VPS37A: variants seen among roughly 807,000 people sequenced by gnomAD.
The protein encoded by VPS37A is vacuolar protein sorting-associated protein 37A.
A neutral mutation model predicts 49.8 loss-of-function variants in VPS37A; 30 were observed. The observed-to-expected ratio is 0.60, with a 90% CI of 0.45 to 0.82. The LOEUF (loss-of-function observed/expected upper bound fraction) is 0.82, where lower values mean the gene tolerates loss of function less well. Among genes scored for constraint, VPS37A ranks in the 40% least tolerant of loss-of-function variants. The pLI is 0.00. For missense variants in VPS37A, 593 were observed against 464.4 expected, an observed-to-expected ratio of 1.28 and a Z score of -2.55; for synonymous variants, 195 against 160.6, an observed-to-expected ratio of 1.21 and a Z score of -1.62.
chr8:17,274,069 C>T (rs1814267829), intron 4 of VPS37A, among the ~76,000 whole-genome samples: 1 of 152,112 alleles, frequency 6.6e-6, no homozygotes, highest in South Asian at 2.1e-4. Context: ...ATATAATGAT[C>T]TGGTTCTCTC....
chr8:17,331,254 C>T, the VPS37A span: 1 of 1,609,768 alleles, frequency 6.2e-7, no homozygotes, highest in South Asian at 1.1e-5. Context: ...ATAGCCTTTC[C>T]CTGCAGCACG....
chr8:17,306,070 T>C, downstream of VPS37A: 1 of 837,002 alleles, frequency 1.2e-6, no homozygotes, highest in South Asian at 2.0e-5. Context: ...AATCTTATCT[T>C]ACAAACTTGG....
chr8:17,261,139 C>T (rs1433238154), intron 1 of VPS37A, among the ~76,000 whole-genome samples: 4 of 152,102 alleles, frequency 2.6e-5, no homozygotes, highest in East Asian at 1.9e-4. Flanking sequence ...TTCTGTATTT[C>T]GTAGGTGGTC....
the VPS37A span, among the ~76,000 whole-genome samples, chr8:17,332,407 C>T: frequency 5.9e-5 from 9 of 152,086 alleles, no homozygotes; most frequent in African/African-American, 2.2e-4. Context: ...GCTGAAAACC[C>T]ATGACTATCT....
Position 17,296,357 on chromosome 8 carries a change from G to A in VPS37A, c.*1371G>A, listed in dbSNP as rs1816632670. The A allele has an allele frequency of 6.6e-6, 1 of 152,168 alleles. No individual in the cohort carries two copies. Among genetic ancestry groups the A allele is most frequent in the African/African-American group, 2.4e-5 (1 of 41,440 alleles). 9.4% of individuals were successfully genotyped at this position (152,168 alleles called of 1,614,324 possible). A position where few individuals can be genotyped will look rare whatever the true frequency, so the allele number is the denominator to read the frequency against. On this transcript the variant is annotated 3_prime_UTR_variant, in exon 12 of 12. Transcript: ENST00000324849. ...AAGGACATGCTGTTAAAGCTTCAAA[G>A]TGACCAGATGAGGAAGGAATAATTA...
chr8:17,266,990 C>T (rs930657483), intron 2 of VPS37A, among the ~76,000 whole-genome samples: 4 of 152,054 alleles, frequency 2.6e-5, no homozygotes, highest in African/African-American at 7.2e-5. Flanking sequence ...TCAGGCTGGT[C>T]TCGAACTCCT....
At chr8:17,293,508 A>T (rs1326093380) in intron 11 of VPS37A, among the ~76,000 whole-genome samples, 1 of 151,930 alleles carries the variant, frequency 6.6e-6, no homozygotes, top group Non-Finnish European at 1.5e-5. Context: ...GCTGGCGAGG[A>T]GTTGTGATCC....
At chr8:17,248,765 G>T (rs963963223) in intron 1 of VPS37A, among the ~76,000 whole-genome samples, 5 of 152,104 alleles carry the variant, frequency 3.3e-5, no homozygotes, top group African/African-American at 9.7e-5. Flanking sequence ...TTCTTGGTTC[G>T]TTGTCTCAAT....
At chr8:17,277,747 T>C (rs1220824016) in intron 6 of VPS37A, among the ~76,000 whole-genome samples, 1 of 152,010 alleles carries the variant, frequency 6.6e-6, no homozygotes, top group African/African-American at 2.4e-5. Context: ...AATATTTTTG[T>C]GGGCAGTTTG....
At chr8:17,274,234 A>G (rs746125711) in intron 4 of VPS37A, among the ~76,000 whole-genome samples, 3 of 152,256 alleles carry the variant, frequency 2.0e-5, no homozygotes, top group Non-Finnish European at 4.4e-5. Context: ...TGTTTTTAAT[A>G]TTTCAACATT....
chr8:17,330,791 A>C, the VPS37A span, among the ~76,000 whole-genome samples: 1 of 152,190 alleles, frequency 6.6e-6, no homozygotes, highest in Non-Finnish European at 1.5e-5. Context: ...TGATCTCCAT[A>C]CAAGAATGGT....
At chr8:17,248,008 T>G in intron 1 of VPS37A, 1 of 524,384 alleles carries the variant, frequency 1.9e-6, no homozygotes, top group Non-Finnish European at 3.4e-6. Context: ...TTCATCTTGA[T>G]TGTTCTGTTG....
rs540382046 is a variant in VPS37A at position 17,275,471 on chromosome 8, A to T, written c.642+513A>T. Among the ~76,000 whole-genome samples the T allele has an allele frequency of 1.1e-4, 16 of 152,286 alleles. No homozygotes were observed. In the South Asian group the frequency reaches 3.3e-3, roughly 32 times the overall value. ...GACATTGAGGTAGAAACTGGATGGC[A>T]TTTTTGTGAAGCTGCCTATAGTAGA... is the stretch of plus-strand genomic sequence containing the variant. On this transcript the variant is annotated intron_variant, in intron 5 of 11. Coordinates refer to ENST00000324849, the MANE Select transcript of VPS37A (RefSeq NM_152415.3).
At chr8:17,247,471 T>G (rs1811373897) in intron 1 of VPS37A, 102 bp downstream of exon 1, 5 of 1,448,864 alleles carry the variant, frequency 3.5e-6, no homozygotes, top group South Asian at 1.3e-5. Flanking sequence ...CACCAGCTCC[T>G]CATGTGGTTT....
At chr8:17,255,085 G>C (rs953720771) in intron 1 of VPS37A, among the ~76,000 whole-genome samples, 15 of 152,146 alleles carry the variant, frequency 9.9e-5, no homozygotes, top group African/African-American at 3.6e-4. Flanking sequence ...ATTCATCTCT[G>C]TATTTCCATT....
intron 1 of VPS37A, among the ~76,000 whole-genome samples, chr8:17,261,134 T>A (rs1812923355): frequency 6.6e-6 from 1 of 152,194 alleles, no homozygotes; most frequent in South Asian, 2.1e-4. Flanking sequence ...CAATATTCTG[T>A]ATTTCGTAGG....
At chr8:17,285,040 T>C (rs575396248) in intron 10 of VPS37A, among the ~76,000 whole-genome samples, 1 of 151,782 alleles carries the variant, frequency 6.6e-6, no homozygotes, top group South Asian at 2.1e-4. Flanking sequence ...AACTTTGTGC[T>C]GATCTGGAAA....
intron 10 of VPS37A, among the ~76,000 whole-genome samples, chr8:17,285,710 A>G (rs972474457): frequency 6.6e-6 from 1 of 152,150 alleles, no homozygotes; most frequent in African/African-American, 2.4e-5. Flanking sequence ...TAAGGCATTG[A>G]TTTCTGCTCC....
the VPS37A span, among the ~76,000 whole-genome samples, chr8:17,327,853 A>G: frequency 4.9e-3 from 747 of 152,286 alleles, 8 homozygotes; most frequent in African/African-American, 0.017. Flanking sequence ...CTACATGTTT[A>G]TTTCAACTTA....
Sources: allele counts gnomAD v4.1 joint callset (sites outside exome capture counted in the v4.1 genomes callset), GRCh38; gene constraint gnomAD v4.1.1; transcripts MANE v1.5; gene names NCBI Gene and HGNC (gene_info 2026-07-23, HGNC 2026-07-21).